The following TANC2 variants were observed in gnomAD, a reference collection of about 807,000 sequenced individuals.
TANC2 encodes the protein protein TANC2.
Under a neutral mutation model 210.5 loss-of-function variants are expected in TANC2, and 26 were observed. The ratio of observed to expected loss-of-function variants is 0.12; its 90% confidence interval spans 0.09 to 0.17. TANC2 has a LOEUF of 0.17. Ranked by LOEUF, TANC2 falls within the 10% of genes least tolerant of loss-of-function variation. The pLI, the probability that TANC2 is intolerant of heterozygous loss-of-function variation, is 1.00. For missense variants in TANC2, 2,129 were observed against 2,608.9 expected, an observed-to-expected ratio of 0.82 and a Z score of 4.01; for synonymous variants, 931 against 967.1, an observed-to-expected ratio of 0.96 and a Z score of 0.69.
In TANC2 at chr17:63,093,385, G is replaced by T. The variant is rs2037275434; in HGVS notation, c.140-5790G>T. The stretch of plus-strand genomic sequence containing the variant: ...TTGTTGAAAATATCCTTTCTACACT[G>T]AATTATCCTTTCACCTTTGTCACAA... On this transcript the variant is annotated intron_variant, in intron 3 of 27. Coordinates refer to ENST00000689528, the Ensembl canonical transcript of TANC2. Among the ~76,000 whole-genome samples, 3 of 152,170 alleles carry T rather than the reference G, an allele frequency of 2.0e-5. No homozygotes were observed. The South Asian group carries it at 6.2e-4, about 32-fold the overall frequency.
chr17:63,329,541 AC>A (rs1340536825), intron 11 of TANC2, among the ~76,000 whole-genome samples: 2 of 152,178 alleles, frequency 1.3e-5, no homozygotes, highest in African/African-American at 4.8e-5. Context: ...GCCTGTCAAC[AC>A]CATTTTTCTG....
intron 5 of TANC2, among the ~76,000 whole-genome samples, chr17:63,158,417 C>T (rs565932068): frequency 1.3e-5 from 2 of 152,262 alleles, no homozygotes; most frequent in African/African-American, 4.8e-5. Flanking sequence ...TTAAGCAGAA[C>T]ATATGTTCCT....
intron 11 of TANC2, among the ~76,000 whole-genome samples, chr17:63,338,384 T>A (rs2146773806): frequency 6.6e-6 from 1 of 152,314 alleles, no homozygotes; most frequent in East Asian, 1.9e-4. Flanking sequence ...AATATCACAA[T>A]TTTTATCTTT....
chr17:63,053,604 TTC>T (rs760899748), intron 2 of TANC2, among the ~76,000 whole-genome samples: 17 of 152,318 alleles, frequency 1.1e-4, no homozygotes, highest in Non-Finnish European at 2.5e-4. Context: ...CTCATGCAGT[TTC>T]ATAGTTTAAA....
chr17:63,085,657 A>T (rs766612121), intron 3 of TANC2, among the ~76,000 whole-genome samples: 2 of 152,072 alleles, frequency 1.3e-5, no homozygotes, highest in Non-Finnish European at 2.9e-5. Context: ...TTACTCACAC[A>T]CACACAAGCA....
chr17:63,080,180 G>A (rs2036720969), intron 3 of TANC2, among the ~76,000 whole-genome samples: 1 of 152,140 alleles, frequency 6.6e-6, no homozygotes, highest in Admixed American at 6.5e-5. Flanking sequence ...TATCAAGTTT[G>A]ATGAAGGAAA....
intron 5 of TANC2, among the ~76,000 whole-genome samples, chr17:63,167,777 C>T (rs2040259366): frequency 6.6e-6 from 1 of 150,532 alleles, no homozygotes; most frequent in Non-Finnish European, 1.5e-5. Context: ...TCCAGCTGCT[C>T]AGGAGGCTGA....
intron 2 of TANC2, among the ~76,000 whole-genome samples, chr17:63,023,201 A>G (rs971275113): frequency 6.6e-6 from 1 of 152,238 alleles, no homozygotes; most frequent in Admixed American, 6.5e-5. Flanking sequence ...GCACCAGTGT[A>G]CAACTCTATC....
chr17:63,139,999 C>G (rs1199024127), intron 4 of TANC2, among the ~76,000 whole-genome samples: 1 of 152,154 alleles, frequency 6.6e-6, no homozygotes, highest in Non-Finnish European at 1.5e-5. Flanking sequence ...CTGATTATAA[C>G]TACTTTTTGT....
chr17:63,386,915 C>T (rs921846134), intron 15 of TANC2, among the ~76,000 whole-genome samples: 3 of 152,030 alleles, frequency 2.0e-5, no homozygotes, highest in South Asian at 2.1e-4. Context: ...TGCAGTAGCA[C>T]GATCACTGCT....
At position 63,420,164 on chromosome 17, in the gene TANC2, A is replaced by G; in HGVS notation, c.4434A>G (p.Glu1478=). 1 of 1,567,324 alleles carries G rather than the reference A, an allele frequency of 6.4e-7. No individual in the cohort carries two copies. Among genetic ancestry groups the G allele is most frequent in the Non-Finnish European group, 8.7e-7 (1 of 1,155,432 alleles). ...AGCCTCAGCAGCAGTTGCCGGAAGA[A>G]GCAGAACCTGAGCCACAGCATGAAG... Residue 1478 remains glutamate, a synonymous_variant, in exon 28 of 28, where the codon GAA becomes GAG. Transcript: ENST00000689528. This position sits in a 1 kb window ranked among gnomAD's most constrained non-coding sequence, Gnocchi z 4.2.
At chr17:63,131,361 G>A (rs545371688) in intron 4 of TANC2, among the ~76,000 whole-genome samples, 4 of 152,298 alleles carry the variant, frequency 2.6e-5, no homozygotes, top group East Asian at 1.9e-4. Flanking sequence ...TGCTGCAGAT[G>A]TAAAATAAAA....
rs564887225 is a variant in TANC2 at position 62,994,078 on chromosome 17, A to G, written c.-23-15459A>G. 2.0e-5 allele frequency among the ~76,000 whole-genome samples: 3 copies of G among 152,236 alleles called. No individual in the cohort carries two copies. The South Asian group carries it at 6.2e-4, about 32-fold the overall frequency. ...ATTTGTGAATAGAGACTGAGTTATT[A>G]TTTCTTCCTTTCTAATTTGGATGCC... On this transcript the variant is annotated intron_variant, in intron 1 of 27. Coordinates refer to ENST00000689528, the Ensembl canonical transcript of TANC2.
chr17:63,175,123 C>T (rs535815797), intron 5 of TANC2, among the ~76,000 whole-genome samples: 1 of 152,008 alleles, frequency 6.6e-6, no homozygotes, highest in South Asian at 2.1e-4. Flanking sequence ...ATGCAAATGA[C>T]CTAGAATACC....
At chr17:62,989,767 CTTTTTTTTTTTTTT>C (rs369502208) in intron 1 of TANC2, among the ~76,000 whole-genome samples, 1 of 109,808 alleles carries the variant, frequency 9.1e-6, no homozygotes, top group East Asian at 2.3e-4. Context: ...AAAACACATG[CTTTTTTTTTTTTTT>C]TTTTTTTTGA....
In TANC2 at chr17:63,418,224, G is replaced by A; in HGVS notation, c.4168-83G>A. 1 of 1,400,620 alleles carries A rather than the reference G, an allele frequency of 7.1e-7. No homozygotes were observed. Among genetic ancestry groups the A allele is most frequent in the Non-Finnish European group, 9.9e-7 (1 of 1,014,554 alleles). 86.8% of individuals were successfully genotyped at this position (1,400,620 alleles called of 1,614,324 possible). Reference sequence around the variant, plus strand: ...GTTCCATCCATGAATGTCAAAAAATGTACAAATAATTTGTTTTATTCCCAA... The same window carrying A: ...GTTCCATCCATGAATGTCAAAAAATATACAAATAATTTGTTTTATTCCCAA... On this transcript the variant is annotated intron_variant, in intron 26 of 27. Coordinates refer to ENST00000689528, the Ensembl canonical transcript of TANC2. The surrounding 1 kb of genome is among the most constrained non-coding windows in gnomAD (Gnocchi z 4.6).
chr17:63,079,690 A>G (rs780234155), intron 3 of TANC2, among the ~76,000 whole-genome samples: 2 of 152,124 alleles, frequency 1.3e-5, no homozygotes, highest in African/African-American at 2.4e-5. Context: ...TTGTGGATAC[A>G]GTTTCTATTT....
At chr17:63,132,152 G>A (rs185158135) in intron 4 of TANC2, among the ~76,000 whole-genome samples, 99 of 151,986 alleles carry the variant, frequency 6.5e-4, no homozygotes, top group African/African-American at 2.2e-3. Flanking sequence ...AAGATGTATC[G>A]ATTTATTTCT....
intron 15 of TANC2, among the ~76,000 whole-genome samples, chr17:63,383,054 A>G (rs1426586464): frequency 6.6e-6 from 1 of 152,174 alleles, no homozygotes; most frequent in Admixed American, 6.5e-5. Context: ...TTTAAAATAG[A>G]CTTTATTTCT....
Sources: gnomAD v4.1 joint callset for allele counts (sites outside exome capture counted in the v4.1 genomes callset) on GRCh38, gnomAD v4.1.1 for gene constraint, Gnocchi (gnomAD v3.1) non-coding constraint, MANE v1.5 for transcripts, NCBI Gene and HGNC (gene_info 2026-07-23, HGNC 2026-07-21) for gene names.